USH2A: variants seen among roughly 807,000 people sequenced by gnomAD.
USH2A encodes the protein Usher syndrome 2A (autosomal recessive, mild).
In USH2A, 443 loss-of-function variants were observed where a neutral mutation model predicts 538.9. The ratio of observed to expected loss-of-function variants is 0.82; its 90% confidence interval spans 0.76 to 0.89. The LOEUF is 0.89. USH2A is among the 40% of genes least tolerant of loss of function. USH2A has a pLI of 0.00. For missense variants in USH2A, 6,633 were observed against 6,324.8 expected (o/e 1.05, Z -1.65); for synonymous variants, 2,413 against 2,273.5 (o/e 1.06, Z -1.75).
chr1:216,206,003 C>T (rs932748267), intron 16 of USH2A, among the ~76,000 whole-genome samples: 1 of 152,100 alleles, frequency 6.6e-6, no homozygotes, highest in Non-Finnish European at 1.5e-5. Flanking sequence ...TGTTTATATC[C>T]TTTCTCTTTC....
intron 61 of USH2A, among the ~76,000 whole-genome samples, chr1:215,697,312 G>T (rs1258756437): frequency 6.6e-6 from 1 of 152,006 alleles, no homozygotes; most frequent in African/African-American, 2.4e-5. Context: ...ACTCTCTATG[G>T]TTGTCTCTGG....
At chr1:216,102,341 A>C (rs986622069) in intron 21 of USH2A, among the ~76,000 whole-genome samples, 7 of 150,348 alleles carry the variant, frequency 4.7e-5, no homozygotes, top group African/African-American at 1.2e-4. Flanking sequence ...GTGTATGTAC[A>C]CATACACACA....
intron 61 of USH2A, among the ~76,000 whole-genome samples, chr1:215,722,094 C>T (rs900969481): frequency 2.7e-5 from 4 of 148,584 alleles, no homozygotes; most frequent in South Asian, 2.1e-4. Flanking sequence ...AGGGTTAGGC[C>T]GACAAATATT....
At chr1:216,197,687 G>C (rs1484968548) in intron 18 of USH2A, among the ~76,000 whole-genome samples, 6 of 151,974 alleles carry the variant, frequency 3.9e-5, no homozygotes, top group Admixed American at 6.6e-5. Flanking sequence ...TTTCTTAAAG[G>C]CTCATGAAAT....
At chr1:215,816,066 C>T (rs950640030) in intron 48 of USH2A, among the ~76,000 whole-genome samples, 3 of 151,974 alleles carry the variant, frequency 2.0e-5, no homozygotes, top group African/African-American at 7.2e-5. Context: ...ATTTTGCCAA[C>T]ATTTTCCCAA....
chr1:216,266,687 T>C (rs1038347262), intron 11 of USH2A, among the ~76,000 whole-genome samples: 1 of 152,026 alleles, frequency 6.6e-6, no homozygotes, highest in Non-Finnish European at 1.5e-5. Flanking sequence ...TCCTTGAGCA[T>C]AAATATGTAT....
chr1:215,704,620 C>A (rs1291896391), intron 61 of USH2A, among the ~76,000 whole-genome samples: 3 of 152,132 alleles, frequency 2.0e-5, no homozygotes, highest in Admixed American at 6.5e-5. Flanking sequence ...TTAGCCTCTC[C>A]CTGGTCTGCC....
intron 19 of USH2A, among the ~76,000 whole-genome samples, chr1:216,190,637 T>C (rs752563409): frequency 2.9e-4 from 44 of 151,914 alleles, no homozygotes; most frequent in Admixed American, 9.9e-4. Flanking sequence ...TAAAGCAGCA[T>C]GGTGGTATGG....
chr1:215,791,861 C>G (rs1347525198), intron 50 of USH2A, among the ~76,000 whole-genome samples: 1 of 151,968 alleles, frequency 6.6e-6, no homozygotes, highest in Admixed American at 6.6e-5. Flanking sequence ...TATACACACA[C>G]AAATACATAT....
intron 13 of USH2A, among the ~76,000 whole-genome samples, chr1:216,235,351 T>C (rs1213011101): frequency 6.6e-6 from 1 of 152,220 alleles, no homozygotes; most frequent in Non-Finnish European, 1.5e-5. Flanking sequence ...TTGTACCACA[T>C]TCTTAAGCAT....
intron 4 of USH2A, among the ~76,000 whole-genome samples, chr1:216,353,312 A>T (rs1269422180): frequency 6.6e-6 from 1 of 152,124 alleles, no homozygotes; most frequent in Non-Finnish European, 1.5e-5. Flanking sequence ...CAAGAGATGC[A>T]TGTGCTATAC....
At chr1:216,197,548 T>C (rs1023341755) in intron 18 of USH2A, among the ~76,000 whole-genome samples, 1 of 152,176 alleles carries the variant, frequency 6.6e-6, no homozygotes, top group South Asian at 2.1e-4. Flanking sequence ...ATTTTATTCA[T>C]GAAATGATTC....
chr1:216,256,340 G>C (rs1440308615), intron 11 of USH2A, among the ~76,000 whole-genome samples: 1 of 115,522 alleles, frequency 8.7e-6, no homozygotes, highest in Non-Finnish European at 1.8e-5. Context: ...TTTTTTGCCT[G>C]TTTTGTGTTA....
chr1:215,743,379 T>G, intron 58 of USH2A, 44 bp from the exon 59 acceptor site: 1 of 440,204 alleles, frequency 2.3e-6, no homozygotes, highest in Non-Finnish European at 3.6e-6. Context: ...AACATATATA[T>G]ATATATATGT....
At chr1:215,684,326 C>T (rs1289383408) in intron 61 of USH2A, among the ~76,000 whole-genome samples, 1 of 152,154 alleles carries the variant, frequency 6.6e-6, no homozygotes, top group African/African-American at 2.4e-5. Flanking sequence ...TTTTTGATGA[C>T]TTGAAGTGCC....
At chr1:215,626,511 G>T (rs1046328467) in intron 71 of USH2A, among the ~76,000 whole-genome samples, 2 of 151,876 alleles carry the variant, frequency 1.3e-5, no homozygotes, top group African/African-American at 4.8e-5. Flanking sequence ...CCACTCTTGT[G>T]CTGTATTTTG....
At chr1:216,265,074 C>T (rs939499556) in intron 11 of USH2A, among the ~76,000 whole-genome samples, 5 of 151,988 alleles carry the variant, frequency 3.3e-5, no homozygotes, top group Non-Finnish European at 2.9e-5. Context: ...AGTGGAGAGA[C>T]GACCTACAGA....
chr1:215,704,958 A>G (rs1659143207), intron 61 of USH2A, among the ~76,000 whole-genome samples: 1 of 152,182 alleles, frequency 6.6e-6, no homozygotes, highest in South Asian at 2.1e-4. Flanking sequence ...GATACAAAAT[A>G]TGTTTGGCAC....
chr1:215,702,117 T>A (rs546063387), intron 61 of USH2A, among the ~76,000 whole-genome samples: 79 of 152,316 alleles, frequency 5.2e-4, no homozygotes, highest in Non-Finnish European at 6.8e-4. Context: ...GGTTGAAAAT[T>A]CTTTGCGTTA....
Sources: gnomAD v4.1 joint callset for allele counts (sites outside exome capture counted in the v4.1 genomes callset) on GRCh38, gnomAD v4.1.1 for gene constraint, MANE v1.5 for transcripts, NCBI Gene and HGNC (gene_info 2026-07-23, HGNC 2026-07-21) for gene names.